The following PREX1 variants were observed in gnomAD, a reference collection of about 807,000 sequenced individuals.
The protein encoded by PREX1 is phosphatidylinositol-3,4,5-trisphosphate dependent Rac exchange factor 1.
Under a neutral mutation model 198.3 loss-of-function variants are expected in PREX1, and 41 were observed. The ratio of observed to expected loss-of-function variants is 0.21; its 90% CI spans 0.16 to 0.27. The LOEUF is 0.27. PREX1 is among the 10% of genes least tolerant of loss of function. The pLI, the probability that PREX1 is intolerant of heterozygous loss-of-function variation, is 1.00. For synonymous variants in PREX1, 843 were observed against 887.2 expected (o/e 0.95, Z 0.89); for missense variants, 1,620 against 2,200.7 (o/e 0.74, Z 5.28).
At chr20:48,708,776 G>A (rs913732079) in intron 5 of PREX1, among the ~76,000 whole-genome samples, 100 of 152,272 alleles carry the variant, frequency 6.6e-4, no homozygotes, top group African/African-American at 2.3e-3. Context: ...GCACCGTGGT[G>A]CGAAGGGTCT....
At chr20:48,646,799 G>C (rs376599336) in intron 25 of PREX1, among the ~76,000 whole-genome samples, 12 of 152,106 alleles carry the variant, frequency 7.9e-5, no homozygotes, top group African/African-American at 2.4e-4. Flanking sequence ...CACAGGTTTT[G>C]AAGCTAGCTA....
intron 14 of PREX1, among the ~76,000 whole-genome samples, chr20:48,672,343 C>T (rs548525696): frequency 1.3e-5 from 2 of 152,352 alleles, no homozygotes; most frequent in South Asian, 4.1e-4. Context: ...CATCCAGAAT[C>T]TGACCATTTC....
chr20:48,827,676 C>A lies in PREX1; in HGVS notation c.185G>T (p.Arg62Met). The A allele has an allele frequency of 2.2e-6, 3 of 1,371,288 alleles. No individual in the cohort carries two copies. Among genetic ancestry groups the A allele is most frequent in the Admixed American group, 3.0e-5 (1 of 33,428 alleles). 84.9% of individuals were successfully genotyped at this position (1,371,288 alleles called of 1,614,324 possible). A position where few individuals can be genotyped will look rare whatever the true frequency, so the allele number is the denominator to read the frequency against. Residue 62 changes from arginine to methionine, a missense_variant, in exon 1 of 40, where the codon AGG (arginine) becomes ATG (methionine). Physicochemically the swap from Arg to Met is moderately conservative, Grantham distance 91. Transcript: ENST00000371941. The surrounding 1 kb of genome is among the most constrained non-coding windows in gnomAD (Gnocchi z 4.1). ...GAAGCGCAAGGTGCCCACGTAGTCC[C>A]TCTCGGTGCCCAAGATCTCGTTGAG... Reference protein sequence around the residue: ...CVLNEILGTERDYVGTLRFLQ... With the variant: ...CVLNEILGTEMDYVGTLRFLQ...
At chr20:48,638,230 GAC>G (rs755270856) in intron 30 of PREX1, among the ~76,000 whole-genome samples, 6 of 151,998 alleles carry the variant, frequency 3.9e-5, no homozygotes, top group Non-Finnish European at 7.4e-5. Flanking sequence ...GCACACAGCA[GAC>G]ACACAAGTGC....
intron 3 of PREX1, among the ~76,000 whole-genome samples, chr20:48,743,631 A>G (rs1380096774): frequency 6.6e-6 from 1 of 152,232 alleles, no homozygotes; most frequent in East Asian, 1.9e-4. Context: ...TTTATTGAGC[A>G]CTTACTGTGC....
At chr20:48,655,600 C>T (rs1262766844) in intron 18 of PREX1, among the ~76,000 whole-genome samples, 1 of 152,240 alleles carries the variant, frequency 6.6e-6, no homozygotes, top group Non-Finnish European at 1.5e-5. Flanking sequence ...AACCCACTGG[C>T]CTGCCCTTGG....
intron 1 of PREX1, among the ~76,000 whole-genome samples, chr20:48,814,653 G>A (rs2090451998): frequency 6.6e-6 from 1 of 152,170 alleles, no homozygotes; most frequent in South Asian, 2.1e-4. Flanking sequence ...TACCTTCTAA[G>A]CCATCATAAG....
chr20:48,732,883 C>T (rs1477922042), intron 4 of PREX1, among the ~76,000 whole-genome samples: 2 of 152,140 alleles, frequency 1.3e-5, no homozygotes, highest in Admixed American at 1.3e-4. Context: ...ACCCCACCAC[C>T]TGGAAGTAGG....
Position 48,701,651 on chromosome 20 carries a change from C to T in PREX1, c.784-765G>A, listed in dbSNP as rs142017186. On this transcript the variant is annotated intron_variant, in intron 6 of 39. Transcript: ENST00000371941. Reference sequence around the variant, plus strand: ...GGGCCCGAATCAACTATGTGCCCTACGTATGCCCAGCACCCACAACACTCT... The same window carrying T: ...GGGCCCGAATCAACTATGTGCCCTATGTATGCCCAGCACCCACAACACTCT... 3.6e-3 allele frequency among the ~76,000 whole-genome samples: 547 copies of T among 152,264 alleles called. 3 individuals carry two copies. Among genetic ancestry groups the T allele is most frequent in the Non-Finnish European group, 6.5e-3 (441 of 68,022 alleles).
At chr20:48,627,746 A>G in intron 38 of PREX1, 115 bp downstream of exon 38, 1 of 1,395,008 alleles carries the variant, frequency 7.2e-7, no homozygotes, top group Non-Finnish European at 9.9e-7. Context: ...CTCCAGATTC[A>G]GAGAAGGCTC....
At chr20:48,887,141 T>G in the PREX1 span, among the ~76,000 whole-genome samples, 1 of 152,196 alleles carries the variant, frequency 6.6e-6, no homozygotes, top group South Asian at 2.1e-4. Flanking sequence ...GCAGGTGGCA[T>G]AGGTTCAAAC....
intron 1 of PREX1, among the ~76,000 whole-genome samples, chr20:48,787,998 A>G (rs563872405): frequency 5.9e-5 from 9 of 152,324 alleles, no homozygotes; most frequent in South Asian, 4.1e-4. Flanking sequence ...GCTAAACTTC[A>G]CTTGCAGATG....
At chr20:48,753,653 G>A (rs2090143811) in intron 1 of PREX1, among the ~76,000 whole-genome samples, 1 of 152,154 alleles carries the variant, frequency 6.6e-6, no homozygotes. Context: ...ACTGTCTAAT[G>A]CGGGCTCTTC....
intron 4 of PREX1, among the ~76,000 whole-genome samples, chr20:48,732,564 C>T (rs1796749095): frequency 6.6e-6 from 1 of 152,078 alleles, no homozygotes; most frequent in African/African-American, 2.4e-5. Flanking sequence ...GGACTGAAAC[C>T]CAGGATAAGC....
chr20:48,642,684 A>T (rs2089423570), intron 27 of PREX1, 195 bp from the exon 28 acceptor site: 11 of 551,126 alleles, frequency 2.0e-5, no homozygotes, highest in Non-Finnish European at 2.9e-5. Context: ...TTCATCTGCA[A>T]AATGGACAAC....
At position 48,639,832 on chromosome 20, in the gene PREX1, C is replaced by T; in HGVS notation, c.3838G>A (p.Glu1280Lys). 1 of 1,614,090 alleles carries T rather than the reference C, an allele frequency of 6.2e-7. No homozygotes were observed. Among genetic ancestry groups the T allele is most frequent in the Non-Finnish European group, 8.5e-7 (1 of 1,179,974 alleles). ...GAGTTGGGGAGGTTCCAGGGGTCCT[C>T]CTGGATGCTAATCTGGATCAGGCTC... is the stretch of plus-strand genomic sequence containing the variant. ...GRSLIQISIQ[E>K]DPWNLPNSIK... The change falls in exon 30 of 40, where the codon GAG becomes AAG. Residue 1280 changes from glutamate (E) to lysine (K), a missense_variant. Around this residue, in one of 7 missense-constraint regions of PREX1, gnomAD observed 476 missense variants for 603.4 expected, o/e 0.79. Transcript: ENST00000371941.
At chr20:48,818,116 C>T (rs2090466721) in intron 1 of PREX1, among the ~76,000 whole-genome samples, 2 of 152,156 alleles carry the variant, frequency 1.3e-5, no homozygotes, top group Admixed American at 1.3e-4. Flanking sequence ...GGAGGGAGCG[C>T]ATTCCAGACA....
Position 48,646,032 on chromosome 20 carries a change from T to G in PREX1, c.3331A>C (p.Thr1111Pro). ...GATGCGTCGCAGGACCCACCCGAGGTGGGCTCTGTGATGGTGGACAGCAGC... is the reference window on the plus strand; with the variant it reads ...GATGCGTCGCAGGACCCACCCGAGGGGGGCTCTGTGATGGTGGACAGCAGC... ...NRLLSTITEP[T>P]SGGSCDASLA... Residue 1111 changes from threonine to proline, a missense_variant, in exon 26 of 40, where the codon ACC (threonine) becomes CCC (proline). By Grantham distance (38) the Thr-to-Pro change is conservative. Around this residue, in one of 7 missense-constraint regions of PREX1, gnomAD observed 514 missense variants for 611.6 expected, o/e 0.84. Transcript: ENST00000371941. 1 of 1,613,952 alleles carries G rather than the reference T, an allele frequency of 6.2e-7. No individual in the cohort carries two copies. The highest frequency in any genetic ancestry group is 8.5e-7 in the Non-Finnish European group (1 of 1,180,002).
At chr20:48,885,308 C>T in the PREX1 span, among the ~76,000 whole-genome samples, 1 of 152,088 alleles carries the variant, frequency 6.6e-6, no homozygotes, top group Admixed American at 6.5e-5. Context: ...ATAAATATCT[C>T]TTGAATAAGT....
Sources: allele counts gnomAD v4.1 joint callset (sites outside exome capture counted in the v4.1 genomes callset), GRCh38; gene constraint gnomAD v4.1.1; regional missense constraint gnomAD v4.1.1; non-coding constraint Gnocchi (gnomAD v3.1); transcripts MANE v1.5; gene names NCBI Gene and HGNC (gene_info 2026-07-23, HGNC 2026-07-21).